Variants in FNDC3A observed in about 807,000 individuals in gnomAD.
FNDC3A encodes the protein fibronectin type III domain containing 3A.
Under a neutral mutation model 148.9 loss-of-function variants are expected in FNDC3A, and 32 were observed. The ratio of observed to expected loss-of-function variants is 0.21; its 90% CI spans 0.16 to 0.29. The LOEUF is 0.29. Among genes scored for constraint, FNDC3A ranks in the 10% least tolerant of loss-of-function variants. FNDC3A has a pLI of 1.00. For synonymous variants in FNDC3A, 472 were observed against 473.6 expected (o/e 1.00, Z 0.04); for missense variants, 1,191 against 1,452.8 (o/e 0.82, Z 2.93).
At chr13:49,142,902 C>T (rs1231081944) in intron 7 of FNDC3A, among the ~76,000 whole-genome samples, 1 of 152,134 alleles carries the variant, frequency 6.6e-6, no homozygotes, top group Admixed American at 6.5e-5. Context: ...CTCTTTCACC[C>T]AGGCTGGAGG....
chr13:49,174,616 A>G (rs1884931560), intron 12 of FNDC3A, 57 bp downstream of exon 12: 17 of 1,440,844 alleles, frequency 1.2e-5, no homozygotes, highest in Non-Finnish European at 1.6e-5. Flanking sequence ...GTCAACGTCA[A>G]TTGTATAATT....
intron 2 of FNDC3A, among the ~76,000 whole-genome samples, chr13:49,071,370 T>G (rs925115648): frequency 6.6e-6 from 1 of 152,166 alleles, no homozygotes; most frequent in African/African-American, 2.4e-5. Context: ...TATACTGATT[T>G]CCTTTCTTTT....
chr13:49,015,040 C>T (rs1246319905), intron 2 of FNDC3A, among the ~76,000 whole-genome samples: 7 of 152,056 alleles, frequency 4.6e-5, no homozygotes, highest in African/African-American at 1.7e-4. Flanking sequence ...CGTGATGCCT[C>T]CAGCTTTGTT....
At position 49,153,237 on chromosome 13, in the gene FNDC3A, T is replaced by A. The variant is rs1291702195; in HGVS notation, c.977+7302T>A. Among the ~76,000 whole-genome samples, 18 of 151,590 alleles carry A rather than the reference T, an allele frequency of 1.2e-4. No homozygotes were observed. The East Asian group carries it at 1.9e-3, about 16-fold the overall frequency. On this transcript the variant is annotated intron_variant, in intron 8 of 25. Transcript: ENST00000492622. ...TAACTGGTGTGAGATGGTATCTCATTGTGGTTTTGATTTGCATTTCTCTGA... is the reference window on the plus strand; with the variant it reads ...TAACTGGTGTGAGATGGTATCTCATAGTGGTTTTGATTTGCATTTCTCTGA...
At chr13:49,096,359 A>G (rs1215348775) in intron 3 of FNDC3A, among the ~76,000 whole-genome samples, 1 of 152,126 alleles carries the variant, frequency 6.6e-6, no homozygotes, top group African/African-American at 2.4e-5. Context: ...GAAGATGTTC[A>G]TTCACTTTTA....
At chr13:49,145,518 CA>C (rs1213741679) in intron 7 of FNDC3A, among the ~76,000 whole-genome samples, 1 of 152,040 alleles carries the variant, frequency 6.6e-6, no homozygotes, top group Admixed American at 6.5e-5. Flanking sequence ...TTTTTAATCC[CA>C]GTTTTTTTCT....
chr13:49,096,327 A>G (rs1424969126), intron 3 of FNDC3A, among the ~76,000 whole-genome samples: 1 of 152,126 alleles, frequency 6.6e-6, no homozygotes, highest in Admixed American at 6.6e-5. Context: ...CTGATCCCAA[A>G]ACCCATGTGA....
At chr13:49,129,603 A>G (rs1881907425) in intron 4 of FNDC3A, among the ~76,000 whole-genome samples, 1 of 152,160 alleles carries the variant, frequency 6.6e-6, no homozygotes, top group Non-Finnish European at 1.5e-5. Context: ...GGTTCTAGAT[A>G]TTGTTTAGTT....
intron 13 of FNDC3A, among the ~76,000 whole-genome samples, chr13:49,176,328 T>C (rs76364481): frequency 1.3e-5 from 2 of 152,168 alleles, no homozygotes; most frequent in East Asian, 3.9e-4. Flanking sequence ...CCTGGGCTTT[T>C]TTTGGTTGGT....
At chr13:49,199,382 C>T (rs1886318286) in intron 23 of FNDC3A, among the ~76,000 whole-genome samples, 1 of 147,464 alleles carries the variant, frequency 6.8e-6, no homozygotes, top group Non-Finnish European at 1.5e-5. Flanking sequence ...GGCTGGAGTG[C>T]AGTGACGCGA....
At chr13:48,982,369 G>C (rs1242562491) in intron 1 of FNDC3A, among the ~76,000 whole-genome samples, 1 of 151,724 alleles carries the variant, frequency 6.6e-6, no homozygotes, top group Non-Finnish European at 1.5e-5. Context: ...TTTTAGCATA[G>C]TACCTTCATA....
intron 1 of FNDC3A, among the ~76,000 whole-genome samples, chr13:48,997,604 G>T (rs1378676441): frequency 6.6e-6 from 1 of 152,128 alleles, no homozygotes; most frequent in Middle Eastern, 3.2e-3. Flanking sequence ...CATGCTCTCT[G>T]CCTTGAGGAC....
chr13:48,982,838 G>C (rs1265759942), intron 1 of FNDC3A, among the ~76,000 whole-genome samples: 1 of 152,130 alleles, frequency 6.6e-6, no homozygotes, highest in South Asian at 2.1e-4. Context: ...ACATGAGTGT[G>C]CTACTTTACC....
intron 8 of FNDC3A, among the ~76,000 whole-genome samples, chr13:49,164,932 C>T (rs142591152): frequency 1.6e-3 from 241 of 152,324 alleles, no homozygotes; most frequent in Non-Finnish European, 2.7e-3. Context: ...ATTCTTTCAT[C>T]AGCTGTTTTT....
intron 8 of FNDC3A, among the ~76,000 whole-genome samples, chr13:49,165,656 C>G (rs571591520): frequency 2.0e-5 from 3 of 152,278 alleles, no homozygotes; most frequent in African/African-American, 7.2e-5. Flanking sequence ...GGCCTCTAGG[C>G]AGCTTGCTCA....
rs144105442 is a variant in FNDC3A, at chr13:49,043,183, C to G, written c.100-32106C>G. 6.4e-4 allele frequency among the ~76,000 whole-genome samples: 97 copies of G among 150,492 alleles called. 1 individual carries two copies. Among genetic ancestry groups the G allele is most frequent in the African/African-American group, 2.0e-3 (82 of 40,864 alleles). ...GTCTTACTGTGTTGCTTAGGCTGGTCTTGAACTCCTGGGCTCAAGGTATCC... is the reference window on the plus strand; with the variant it reads ...GTCTTACTGTGTTGCTTAGGCTGGTGTTGAACTCCTGGGCTCAAGGTATCC... On this transcript the variant is annotated intron_variant, in intron 2 of 25. Coordinates refer to ENST00000492622, the MANE Select transcript of FNDC3A (RefSeq NM_001079673.2).
intron 14 of FNDC3A, among the ~76,000 whole-genome samples, chr13:49,182,575 A>G (rs1479516768): frequency 1.3e-5 from 2 of 150,502 alleles, no homozygotes; most frequent in Non-Finnish European, 1.5e-5. Context: ...CCCACTTTGG[A>G]TGTAGTAAGG....
intron 2 of FNDC3A, among the ~76,000 whole-genome samples, chr13:49,051,389 T>C (rs1875831903): frequency 6.6e-6 from 1 of 152,142 alleles, no homozygotes; most frequent in South Asian, 2.1e-4. Context: ...TCTCTCAGCA[T>C]TTGTTTGTCT....
At chr13:49,008,107 G>T (rs1400707430) in intron 2 of FNDC3A, among the ~76,000 whole-genome samples, 1 of 152,100 alleles carries the variant, frequency 6.6e-6, no homozygotes, top group African/African-American at 2.4e-5. Context: ...CGAATCCTAA[G>T]TAAAGCACTC....
Sources: allele counts gnomAD v4.1 joint callset (sites outside exome capture counted in the v4.1 genomes callset), GRCh38; gene constraint gnomAD v4.1.1; transcripts MANE v1.5; gene names NCBI Gene and HGNC (gene_info 2026-07-23, HGNC 2026-07-21).